GABBR2: variants seen among roughly 807,000 people sequenced by gnomAD.
GABBR2 encodes the protein G-protein coupled receptor 51.
GABBR2 carries 23 observed loss-of-function variants against 105.6 expected under a neutral mutation model. That is an observed-to-expected ratio of 0.22 (90% CI 0.16 to 0.31). GABBR2 has a LOEUF of 0.31. Among genes scored for constraint, GABBR2 ranks in the 10% least tolerant of loss-of-function variants. The pLI is 1.00. For missense variants in GABBR2, 734 were observed against 1,245.5 expected, an observed-to-expected ratio of 0.59 and a Z score of 6.18; for synonymous variants, 478 against 499.7, an observed-to-expected ratio of 0.96 and a Z score of 0.58.
intron 2 of GABBR2, among the ~76,000 whole-genome samples, chr9:98,544,526 G>A (rs1828365920): frequency 6.6e-6 from 1 of 152,164 alleles, no homozygotes; most frequent in Admixed American, 6.5e-5. Flanking sequence ...CTTGGTAGAC[G>A]AGGACTAATG....
chr9:98,351,966 G>C (rs1217279842), intron 13 of GABBR2, among the ~76,000 whole-genome samples: 1 of 152,218 alleles, frequency 6.6e-6, no homozygotes, highest in Non-Finnish European at 1.5e-5. Flanking sequence ...TTTAGGGATT[G>C]ACTTTCATGG....
chr9:98,530,559 T>G (rs1193566764), intron 3 of GABBR2, among the ~76,000 whole-genome samples: 1 of 152,170 alleles, frequency 6.6e-6, no homozygotes. Flanking sequence ...GGGAGGGTCA[T>G]TGGAGCCCAG....
In GABBR2 at chr9:98,335,583, G is replaced by C. The variant is rs186577317; in HGVS notation, c.1894-24378C>G. On this transcript the variant is annotated intron_variant, in intron 13 of 18. Transcript: ENST00000259455. ...TCAGATATTTTGGGGGGTGTGACCC[G>C]GGCCGGTATTTTCAAAAAGATCTTT... Among the ~76,000 whole-genome samples, 64 of 152,234 alleles carry C rather than the reference G, an allele frequency of 4.2e-4. No individual in the cohort carries two copies. The East Asian group carries it at 9.3e-3, about 22-fold the overall frequency.
intron 7 of GABBR2, among the ~76,000 whole-genome samples, chr9:98,409,482 G>A (rs527363152): frequency 7.2e-5 from 11 of 152,178 alleles, no homozygotes; most frequent in African/African-American, 1.7e-4. Flanking sequence ...TAAGCACCGA[G>A]CCCAGGGCAG....
intron 1 of GABBR2, among the ~76,000 whole-genome samples, chr9:98,585,167 C>T (rs1007131632): frequency 9.2e-5 from 14 of 152,080 alleles, no homozygotes; most frequent in African/African-American, 2.7e-4. Flanking sequence ...CTACCCTGCC[C>T]AGAAAAGCGA....
At chr9:98,425,223 T>G (rs1832853774) in intron 7 of GABBR2, among the ~76,000 whole-genome samples, 1 of 119,672 alleles carries the variant, frequency 8.4e-6, no homozygotes, top group African/African-American at 4.2e-5. Context: ...AATGAATGGG[T>G]GAATGAATGA....
At chr9:98,294,833 A>G (rs2131337809) in intron 17 of GABBR2, among the ~76,000 whole-genome samples, 1 of 152,344 alleles carries the variant, frequency 6.6e-6, no homozygotes, top group East Asian at 1.9e-4. Flanking sequence ...GAATTTGGTA[A>G]TAATGGATTA....
intron 18 of GABBR2, among the ~76,000 whole-genome samples, chr9:98,292,254 C>G (rs999720708): frequency 2.0e-5 from 3 of 152,162 alleles, no homozygotes; most frequent in African/African-American, 7.2e-5. Context: ...AACAGACACC[C>G]AATAGGCAAA....
At chr9:98,324,782 C>T (rs1830891702) in intron 13 of GABBR2, among the ~76,000 whole-genome samples, 1 of 152,162 alleles carries the variant, frequency 6.6e-6, no homozygotes, top group Non-Finnish European at 1.5e-5. Flanking sequence ...GGGCCAGGTT[C>T]TTGCCTGCCT....
chr9:98,479,831 T>C (rs1005555375), intron 5 of GABBR2, among the ~76,000 whole-genome samples: 2 of 152,174 alleles, frequency 1.3e-5, no homozygotes, highest in African/African-American at 4.8e-5. Context: ...GGTAGTAAAC[T>C]GGGGGTCATC....
chr9:98,415,501 G>A (rs894089856), intron 7 of GABBR2, among the ~76,000 whole-genome samples: 1 of 152,200 alleles, frequency 6.6e-6, no homozygotes, highest in African/African-American at 2.4e-5. Context: ...GATTCAGGCT[G>A]AACTTGGCCA....
At chr9:98,634,609 A>G (rs1263168113) in intron 1 of GABBR2, among the ~76,000 whole-genome samples, 6 of 152,184 alleles carry the variant, frequency 3.9e-5, no homozygotes, top group Non-Finnish European at 8.8e-5. Flanking sequence ...TAGTCTTCAG[A>G]GGAAGCAGGG....
At chr9:98,360,059 G>A (rs1023355423) in intron 13 of GABBR2, among the ~76,000 whole-genome samples, 4 of 152,164 alleles carry the variant, frequency 2.6e-5, no homozygotes, top group African/African-American at 7.2e-5. Context: ...CCCATACCTG[G>A]AATCCTCAGG....
chr9:98,615,580 A>G (rs1255357460), intron 1 of GABBR2, among the ~76,000 whole-genome samples: 7 of 152,304 alleles, frequency 4.6e-5, no homozygotes, highest in Non-Finnish European at 1.5e-5. Context: ...AGAAGAGTCC[A>G]ACAATACAGT....
chr9:98,434,394 G>T (rs913060821), intron 7 of GABBR2, among the ~76,000 whole-genome samples: 12 of 152,144 alleles, frequency 7.9e-5, no homozygotes, highest in African/African-American at 2.9e-4. Context: ...GGGGCTCAGG[G>T]CACAAGCAGC....
chr9:98,372,324 C>A (rs891224345), intron 11 of GABBR2, among the ~76,000 whole-genome samples: 1 of 152,158 alleles, frequency 6.6e-6, no homozygotes, highest in African/African-American at 2.4e-5. Flanking sequence ...CCCTCTAATA[C>A]CCAGGAGACG....
chr9:98,540,106 C>T (rs894530976), intron 3 of GABBR2, among the ~76,000 whole-genome samples: 5 of 152,090 alleles, frequency 3.3e-5, no homozygotes, highest in African/African-American at 1.2e-4. Flanking sequence ...GCCTCTTCAG[C>T]GTTTGGCAAT....
chr9:98,677,480 T>G (rs1830491153), intron 1 of GABBR2, among the ~76,000 whole-genome samples: 1 of 152,264 alleles, frequency 6.6e-6, no homozygotes, highest in Non-Finnish European at 1.5e-5. Flanking sequence ...TTATTGGCTA[T>G]GTATTCTCTC....
At chr9:98,325,370 C>A (rs1447418570) in intron 13 of GABBR2, among the ~76,000 whole-genome samples, 1 of 141,186 alleles carries the variant, frequency 7.1e-6, no homozygotes, top group African/African-American at 2.7e-5. Flanking sequence ...TGGCTCACTG[C>A]AACCTCTACC....
Sources: gnomAD v4.1 joint callset for allele counts (sites outside exome capture counted in the v4.1 genomes callset) on GRCh38, gnomAD v4.1.1 for gene constraint, MANE v1.5 for transcripts, NCBI Gene and HGNC (gene_info 2026-07-23, HGNC 2026-07-21) for gene names.